The following IQGAP1 variants were observed in gnomAD, a reference collection of about 807,000 sequenced individuals.
IQGAP1 encodes ras GTPase-activating-like protein IQGAP1.
A neutral mutation model predicts 215.6 loss-of-function variants in IQGAP1; 66 were observed. The observed-to-expected ratio is 0.31, with a 90% CI of 0.25 to 0.38. IQGAP1 has a LOEUF of 0.38. IQGAP1 is among the 10% of genes least tolerant of loss of function. The pLI is 1.00. For missense variants in IQGAP1, 1,712 were observed against 1,997.1 expected (o/e 0.86, Z 2.72); for synonymous variants, 772 against 728.7 (o/e 1.06, Z -0.96).
chr15:90,465,034 T>C (rs77222074), intron 15 of IQGAP1, among the ~76,000 whole-genome samples: 2,710 of 152,314 alleles, frequency 0.018, 42 homozygotes, highest in Non-Finnish European at 0.024. Context: ...CTATCCACAA[T>C]AGTCAACTCA....
chr15:90,465,019 C>T (rs1417642096), intron 15 of IQGAP1, among the ~76,000 whole-genome samples: 1 of 152,214 alleles, frequency 6.6e-6, no homozygotes, highest in African/African-American at 2.4e-5. Context: ...CATCATACAT[C>T]ATCTCTATCC....
intron 9 of IQGAP1, among the ~76,000 whole-genome samples, chr15:90,444,792 T>C (rs559146946): frequency 9.2e-5 from 14 of 152,340 alleles, no homozygotes; most frequent in African/African-American, 3.4e-4. Context: ...TACAGCTCTT[T>C]GTAGAAGCTC....
chr15:90,479,712 C>T (rs1177886653), intron 26 of IQGAP1, among the ~76,000 whole-genome samples: 1 of 152,066 alleles, frequency 6.6e-6, no homozygotes, highest in Non-Finnish European at 1.5e-5. Flanking sequence ...CGCCACTGCA[C>T]TCCATCCTGG....
At chr15:90,426,789 C>A (rs1459665687) in intron 3 of IQGAP1, among the ~76,000 whole-genome samples, 2 of 151,644 alleles carry the variant, frequency 1.3e-5, no homozygotes, top group African/African-American at 2.4e-5. Flanking sequence ...CCCGTCTCTA[C>A]CAAAAATACA....
intron 9 of IQGAP1, 141 bp from the exon 10 acceptor site, chr15:90,448,432 A>G (rs1425753996): frequency 1.4e-6 from 1 of 691,548 alleles, no homozygotes; most frequent in Non-Finnish European, 2.2e-6. Context: ...CCAAGATCTT[A>G]TGCTTCTGAG....
In IQGAP1 at chr15:90,394,848, A is replaced by G. The variant is rs550311509; in HGVS notation, c.155+3975A>G. Among the ~76,000 whole-genome samples, 5 of 152,298 alleles carry G rather than the reference A, an allele frequency of 3.3e-5. 1 individual carries two copies. The South Asian group carries it at 1.0e-3, about 32-fold the overall frequency. ...TTTTAGTACAGTGGCCCCATTGTGT[A>G]TCCTAGGGCACTCCATTTTCTCCTC... is the stretch of plus-strand genomic sequence containing the variant. On this transcript the variant is annotated intron_variant, in intron 2 of 37. Coordinates refer to ENST00000268182, the MANE Select transcript of IQGAP1 (RefSeq NM_003870.4).
At chr15:90,487,740 A>G (rs534970759) in intron 33 of IQGAP1, among the ~76,000 whole-genome samples, 158 bp downstream of exon 33, 1 of 152,228 alleles carries the variant, frequency 6.6e-6, no homozygotes, top group East Asian at 1.9e-4. Context: ...TCGTCTGAGA[A>G]AGTTTTTGCT....
rs749302625 is a variant in IQGAP1 at position 90,492,707 on chromosome 15, G to A, written c.4624G>A (p.Gly1542Ser). The A allele has an allele frequency of 2.5e-6, 4 of 1,603,650 alleles. No individual in the cohort carries two copies. The highest frequency in any genetic ancestry group is 3.5e-5 in the Admixed American group (2 of 56,842). ...KTCLDNLASK[G>S]KVSKKPREMK... Reference sequence around the variant, plus strand: ...CTGCTTGGATAACTTAGCCAGCAAGGGCAAGTGAGTATTTTTTCTTTTTAA... The same window carrying A: ...CTGCTTGGATAACTTAGCCAGCAAGAGCAAGTGAGTATTTTTTCTTTTTAA... The change falls in exon 35 of 38, where the codon GGC (glycine) becomes AGC (serine). Residue 1542 changes from glycine (G) to serine (S), a missense_variant. Coordinates refer to ENST00000268182, the MANE Select transcript of IQGAP1 (RefSeq NM_003870.4).
intron 37 of IQGAP1, among the ~76,000 whole-genome samples, chr15:90,498,716 C>G (rs971590094): frequency 6.6e-6 from 1 of 152,014 alleles, no homozygotes; most frequent in Non-Finnish European, 1.5e-5. Context: ...GGCGTGTTCT[C>G]CATTCACTGC....
At chr15:90,473,649 G>T (rs951455735) in intron 19 of IQGAP1, 66 bp from the exon 20 acceptor site, 53 of 1,193,514 alleles carry the variant, frequency 4.4e-5, no homozygotes, top group Non-Finnish European at 5.7e-5. Context: ...CAAGATGAAA[G>T]TTTTTTTTTA....
intron 2 of IQGAP1, among the ~76,000 whole-genome samples, chr15:90,398,558 G>T (rs991106656): frequency 6.6e-6 from 1 of 152,074 alleles, no homozygotes; most frequent in African/African-American, 2.4e-5. Flanking sequence ...TTAGGAGGGG[G>T]TTATATCCCA....
At chr15:90,453,012 G>A in intron 12 of IQGAP1, 74 bp downstream of exon 12, 2 of 1,565,388 alleles carry the variant, frequency 1.3e-6, no homozygotes, top group Non-Finnish European at 1.7e-6. Flanking sequence ...TTCTTCCTGT[G>A]GTTAGGTAGA....
chr15:90,480,245 A>G (rs1966039546), intron 26 of IQGAP1, among the ~76,000 whole-genome samples: 3 of 151,132 alleles, frequency 2.0e-5, no homozygotes. Flanking sequence ...AAAAAAAGGA[A>G]ATTGATTTGA....
chr15:90,456,203 A>G lies in IQGAP1; in HGVS notation c.1664A>G (p.Gln555Arg), dbSNP rs766807347. The G allele has an allele frequency of 1.9e-6, 3 of 1,614,130 alleles. No individual in the cohort carries two copies. Among genetic ancestry groups the G allele is most frequent in the Non-Finnish European group, 2.5e-6 (3 of 1,179,990 alleles). ...GAAGCCCTGGATGAAGGTGATGCCC[A>G]AAAGACTCTGCAGGCCCTACAGATT... ...INEALDEGDAQKTLQALQIPA... is the reference protein window; with the variant it reads ...INEALDEGDARKTLQALQIPA... The change falls in exon 15 of 38, where the codon CAA becomes CGA. Residue 555 changes from glutamine (Q) to arginine (R), a missense_variant. Around this residue, in one of 2 missense-constraint regions of IQGAP1, gnomAD observed 1,021 missense variants for 1,074.2 expected, o/e 0.95. Transcript: ENST00000268182.
In IQGAP1 at chr15:90,388,357, G is replaced by A. The variant is rs779952729; in HGVS notation, c.16G>A (p.Glu6Lys). Reference protein sequence around the residue: MSAADEVDGLGVARPH... With the variant: MSAADKVDGLGVARPH... ...CTCGTCCGCCATGTCCGCCGCAGAC[G>A]AGGTTGACGGGCTGGGCGTGGCCCG... The change falls in exon 1 of 38, where the codon GAG becomes AAG. Residue 6 changes from glutamate (E) to lysine (K), a missense_variant. Around this residue, in one of 2 missense-constraint regions of IQGAP1, gnomAD observed 1,021 missense variants for 1,074.2 expected, o/e 0.95. Coordinates refer to ENST00000268182, the MANE Select transcript of IQGAP1 (RefSeq NM_003870.4). The A allele has an allele frequency of 1.3e-5, 21 of 1,595,216 alleles. No individual in the cohort carries two copies. Among genetic ancestry groups the A allele is most frequent in the Non-Finnish European group, 1.7e-5 (20 of 1,172,430 alleles).
At chr15:90,454,401 C>A in intron 13 of IQGAP1, 27 bp from the exon 14 acceptor site, 1 of 1,612,706 alleles carries the variant, frequency 6.2e-7, no homozygotes, top group Non-Finnish European at 8.5e-7. Flanking sequence ...GTGCTTAATG[C>A]TCTTTTTACT....
intron 9 of IQGAP1, among the ~76,000 whole-genome samples, chr15:90,444,783 A>G (rs1043164467): frequency 3.3e-5 from 5 of 152,220 alleles, no homozygotes; most frequent in African/African-American, 1.2e-4. Flanking sequence ...TTTCATGCAT[A>G]CAGCTCTTTG....
intron 2 of IQGAP1, among the ~76,000 whole-genome samples, chr15:90,408,261 T>G (rs899668763): frequency 6.6e-6 from 1 of 152,142 alleles, no homozygotes; most frequent in African/African-American, 2.4e-5. Flanking sequence ...GGGGTTGTGG[T>G]AGGAAAAAGA....
In IQGAP1 at chr15:90,473,779, A is replaced by T; in HGVS notation, c.2414A>T (p.His805Leu). The change falls in exon 20 of 38, where the codon CAC becomes CTC. Residue 805 changes from histidine to leucine, a missense_variant. Transcript: ENST00000268182. ...GATCGGTTAGCTTACCTGCGCTCCCACAAAGATGAAGTTGTAAAGGTATGG... is the reference window on the plus strand; with the variant it reads ...GATCGGTTAGCTTACCTGCGCTCCCTCAAAGATGAAGTTGTAAAGGTATGG... ...YQDRLAYLRS[H>L]KDEVVKIQSL... 6.2e-7 allele frequency: 1 copy of T among 1,612,692 alleles called. No homozygotes were observed. Among genetic ancestry groups the T allele is most frequent in the Non-Finnish European group, 8.5e-7 (1 of 1,179,616 alleles).
Sources: gnomAD v4.1 joint callset for allele counts (sites outside exome capture counted in the v4.1 genomes callset) on GRCh38, gnomAD v4.1.1 for gene constraint, gnomAD v4.1.1 regional missense constraint, MANE v1.5 for transcripts, NCBI Gene and HGNC (gene_info 2026-07-23, HGNC 2026-07-21) for gene names.